TMEM132C: variants seen among roughly 807,000 people sequenced by gnomAD.
The protein encoded by TMEM132C is protein phosphatase 1, regulatory subunit 152.
Under a neutral mutation model 61.4 loss-of-function variants are expected in TMEM132C, and 29 were observed. That is an observed-to-expected ratio of 0.47 (90% CI 0.35 to 0.64). The LOEUF (loss-of-function observed/expected upper bound fraction) is 0.64, where lower values mean the gene tolerates loss of function less well. Ranked by LOEUF, TMEM132C falls within the 30% of genes least tolerant of loss-of-function variation. The probability of loss-of-function intolerance (pLI) is 0.00; values close to 1 mark genes in which losing one functional copy is unlikely to be tolerated. For synonymous variants in TMEM132C, 656 were observed against 633.1 expected (o/e 1.04, Z -0.54); for missense variants, 1,408 against 1,476.9 (o/e 0.95, Z 0.76).
intron 1 of TMEM132C, among the ~76,000 whole-genome samples, chr12:128,347,516 C>T (rs1873206411): frequency 6.6e-6 from 1 of 151,794 alleles, no homozygotes; most frequent in Non-Finnish European, 1.5e-5. Context: ...ACAACCTCTG[C>T]CTCCCAGGTT....
intron 4 of TMEM132C, among the ~76,000 whole-genome samples, chr12:128,668,297 G>A (rs1372298486): frequency 2.6e-5 from 4 of 151,496 alleles, no homozygotes; most frequent in Non-Finnish European, 5.9e-5. Context: ...GGGAAGGGGA[G>A]ATGAAGGGGG....
rs1213313216 is a variant in TMEM132C at position 128,326,276 on chromosome 12, A to AC, written c.85+58795dup. 1.3e-5 allele frequency among the ~76,000 whole-genome samples: 2 copies of AC among 151,522 alleles called. No individual in the cohort carries two copies. Among genetic ancestry groups the AC allele is most frequent in the Admixed American group, 6.6e-5 (1 of 15,196 alleles). The stretch of plus-strand genomic sequence containing the variant: ...CCTCCCCACCACCATCACTCCATGA[A>AC]CCCCCCAGCCTCCCTGGGCTCTTCT... On this transcript the variant is annotated intron_variant, in intron 1 of 8. Transcript: ENST00000435159. The surrounding 1 kb of genome is among the most constrained non-coding windows in gnomAD (Gnocchi z 5.6).
At position 128,545,559 on chromosome 12, in the gene TMEM132C, A is replaced by C. The variant is rs1873921299; in HGVS notation, c.1121+1456A>C. On this transcript the variant is annotated intron_variant, in intron 3 of 8. Coordinates refer to ENST00000435159, the MANE Select transcript of TMEM132C (RefSeq NM_001136103.3). Reference sequence around the variant, plus strand: ...ACTACTTTCCACTGTGATCGAACTAATTTACTTTCCTACACACAGTGTGTA... The same window carrying C: ...ACTACTTTCCACTGTGATCGAACTACTTTACTTTCCTACACACAGTGTGTA... 2.6e-5 allele frequency among the ~76,000 whole-genome samples: 4 copies of C among 152,282 alleles called. 1 individual carries two copies. The South Asian group carries it at 8.3e-4, about 32-fold the overall frequency.
intron 1 of TMEM132C, among the ~76,000 whole-genome samples, chr12:128,285,080 T>C (rs1186530198): frequency 2.0e-5 from 3 of 151,958 alleles, no homozygotes. Flanking sequence ...GAGGTGGAGG[T>C]TGAAGTGAGC....
chr12:128,550,943 A>G (rs981915802), intron 3 of TMEM132C, among the ~76,000 whole-genome samples: 2 of 151,956 alleles, frequency 1.3e-5, no homozygotes, highest in Non-Finnish European at 2.9e-5. Flanking sequence ...CATCTCCCCC[A>G]CTGCAGACAA....
chr12:128,483,185 T>A (rs967423767), intron 2 of TMEM132C, among the ~76,000 whole-genome samples: 1 of 149,532 alleles, frequency 6.7e-6, no homozygotes. Flanking sequence ...GGGCGATTGC[T>A]TGAGTCCAGG....
intron 2 of TMEM132C, among the ~76,000 whole-genome samples, chr12:128,457,421 A>C (rs1870382978): frequency 6.6e-6 from 1 of 151,798 alleles, no homozygotes; most frequent in Non-Finnish European, 1.5e-5. Flanking sequence ...AAAAAAATAC[A>C]AAAAATTAGC....
At chr12:128,611,955 T>C (rs1876648948) in intron 3 of TMEM132C, among the ~76,000 whole-genome samples, 3 of 152,226 alleles carry the variant, frequency 2.0e-5, no homozygotes, top group Non-Finnish European at 2.9e-5. Flanking sequence ...AAAATGGGGT[T>C]GCATTTTCTT....
intron 2 of TMEM132C, among the ~76,000 whole-genome samples, chr12:128,467,128 T>G (rs550661447): frequency 2.8e-4 from 43 of 152,318 alleles, no homozygotes; most frequent in Non-Finnish European, 5.1e-4. Context: ...GCGTTCATAG[T>G]GCAAGCATCA....
At position 128,447,887 on chromosome 12, in the gene TMEM132C, C is replaced by T. The variant is rs565977003; in HGVS notation, c.974+32267C>T. ...GACTACAGGCGCCCGCCACCGCGCC[C>T]GGCTAATTTTTTGTATTTTTAGTAG... On this transcript the variant is annotated intron_variant, in intron 2 of 8. Transcript: ENST00000435159. Among the ~76,000 whole-genome samples, 131 of 110,628 alleles carry T rather than the reference C, an allele frequency of 1.2e-3. 17 individuals carry two copies. Among genetic ancestry groups the T allele is most frequent in the Admixed American group, 7.1e-3 (80 of 11,280 alleles). 72.6% of individuals were successfully genotyped at this position (110,628 alleles called of 152,430 possible).
intron 5 of TMEM132C, among the ~76,000 whole-genome samples, chr12:128,687,802 C>G (rs79241169): frequency 0.2 from 29,986 of 152,064 alleles, 3,668 homozygotes; most frequent in African/African-American, 0.35. Flanking sequence ...AGAAGAGGCC[C>G]CTGGGCTGCA....
chr12:128,473,488 A>G (rs1243292952), intron 2 of TMEM132C, among the ~76,000 whole-genome samples: 1 of 135,598 alleles, frequency 7.4e-6, no homozygotes, highest in East Asian at 2.3e-4. Flanking sequence ...TCCAGCTTCT[A>G]TCTTCATCCT....
At chr12:128,684,784 T>C (rs1205438775) in intron 5 of TMEM132C, among the ~76,000 whole-genome samples, 1 of 152,246 alleles carries the variant, frequency 6.6e-6, no homozygotes, top group Non-Finnish European at 1.5e-5. Flanking sequence ...TCTCTGCCTT[T>C]TTCTTTTTCC....
intron 2 of TMEM132C, among the ~76,000 whole-genome samples, chr12:128,489,562 C>CATATATTATAT (rs1555227212): frequency 5.8e-5 from 8 of 138,362 alleles, no homozygotes; most frequent in Non-Finnish European, 1.1e-4. Flanking sequence ...TTTATATGCT[C>CATATATTATAT]ATATATATAT....
At chr12:128,688,482 G>A (rs186223346) in intron 5 of TMEM132C, among the ~76,000 whole-genome samples, 4 of 152,174 alleles carry the variant, frequency 2.6e-5, no homozygotes, top group African/African-American at 9.6e-5. Context: ...AAAGAAAACA[G>A]GATGGACAAA....
chr12:128,695,886 C>A lies in TMEM132C; in HGVS notation c.1712C>A (p.Ala571Glu). ...DEEERRGRGC[A>E]LQYQHATVRV... is the part of the protein sequence containing the mutation. ...GAGGAGCGGCGGGGCCGGGGCTGCG[C>A]ACTGCAATACCAGCACGCCACCGTG... Residue 571 changes from alanine to glutamate, a missense_variant, in exon 7 of 9, where the codon GCA becomes GAA. Ala to Glu is a moderately radical substitution (Grantham distance 107). Transcript: ENST00000435159. 6.4e-7 allele frequency: 1 copy of A among 1,551,052 alleles called. No individual in the cohort carries two copies. The highest frequency in any genetic ancestry group is 8.7e-7 in the Non-Finnish European group (1 of 1,146,908).
chr12:128,438,288 C>T (rs976486200), intron 2 of TMEM132C: 2 of 151,954 alleles, frequency 1.3e-5, no homozygotes, highest in Non-Finnish European at 2.9e-5. Context: ...GATTAATGTT[C>T]AGGGTGGGGT....
intron 1 of TMEM132C, among the ~76,000 whole-genome samples, chr12:128,390,568 C>T (rs1404232343): frequency 6.6e-6 from 1 of 152,208 alleles, no homozygotes; most frequent in Non-Finnish European, 1.5e-5. Flanking sequence ...GACTGGCCAC[C>T]TGCCTCCACC....
chr12:128,411,537 C>T (rs1593043757), intron 1 of TMEM132C, among the ~76,000 whole-genome samples: 1 of 152,150 alleles, frequency 6.6e-6, no homozygotes, highest in African/African-American at 2.4e-5. Context: ...ATCCTTTGGA[C>T]ATATTCTGAT....
Sources: gnomAD v4.1 joint callset for allele counts (sites outside exome capture counted in the v4.1 genomes callset) on GRCh38, gnomAD v4.1.1 for gene constraint, Gnocchi (gnomAD v3.1) non-coding constraint, MANE v1.5 for transcripts, NCBI Gene and HGNC (gene_info 2026-07-23, HGNC 2026-07-21) for gene names.